Variants in CDH12 observed in about 807,000 individuals in gnomAD.
CDH12 encodes cadherin 12, also known as cadherin-12.
CDH12 carries 41 observed loss-of-function variants against 74.1 expected under a neutral mutation model. That is an observed-to-expected ratio of 0.55 (90% CI 0.43 to 0.72). CDH12 has a LOEUF of 0.72. Among genes scored for constraint, CDH12 ranks in the 30% least tolerant of loss-of-function variants. The pLI is 0.00. For synonymous variants in CDH12, 399 were observed against 355.0 expected (o/e 1.12, Z -1.39); for missense variants, 945 against 977.2 (o/e 0.97, Z 0.44).
At chr5:22,058,852 C>T (rs1740954956) in intron 5 of CDH12, among the ~76,000 whole-genome samples, 1 of 152,022 alleles carries the variant, frequency 6.6e-6, no homozygotes. Context: ...TCTAACATAT[C>T]ATCTTTGATC....
At chr5:22,234,563 G>A (rs1752495017) in intron 3 of CDH12, among the ~76,000 whole-genome samples, 1 of 150,344 alleles carries the variant, frequency 6.7e-6, no homozygotes, top group African/African-American at 2.5e-5. Context: ...TCTTGGGTAT[G>A]TGGGGTTTTT....
chr5:21,995,601 C>G (rs982905793), intron 5 of CDH12, among the ~76,000 whole-genome samples: 3 of 151,812 alleles, frequency 2.0e-5, no homozygotes, highest in African/African-American at 4.8e-5. Context: ...GGCCAGGGTT[C>G]AGTTTCTCCC....
intron 3 of CDH12, among the ~76,000 whole-genome samples, chr5:22,331,396 C>A (rs1739346304): frequency 6.6e-6 from 1 of 152,072 alleles, no homozygotes; most frequent in Admixed American, 6.5e-5. Context: ...TCTTTAAGAG[C>A]AAGGAAGATA....
chr5:21,780,400 G>C (rs890893348), intron 11 of CDH12, among the ~76,000 whole-genome samples: 1 of 152,160 alleles, frequency 6.6e-6, no homozygotes, highest in African/African-American at 2.4e-5. Flanking sequence ...CGTTATGAGT[G>C]TCTTCAATCC....
chr5:22,585,310 T>C (rs1740327931), intron 1 of CDH12, among the ~76,000 whole-genome samples: 1 of 152,184 alleles, frequency 6.6e-6, no homozygotes, highest in South Asian at 2.1e-4. Context: ...TTTCTTGCTA[T>C]TTAAAAGATT....
At chr5:22,192,518 C>G (rs1262470443) in intron 4 of CDH12, among the ~76,000 whole-genome samples, 1 of 152,180 alleles carries the variant, frequency 6.6e-6, no homozygotes, top group Non-Finnish European at 1.5e-5. Flanking sequence ...AGGAGAAGAG[C>G]AGACACATTT....
chr5:22,483,770 A>ATATATATATCTAT (rs1400461763), intron 2 of CDH12, among the ~76,000 whole-genome samples: 1 of 101,028 alleles, frequency 9.9e-6, no homozygotes, highest in Non-Finnish European at 2.0e-5. Context: ...ATATAAATTT[A>ATATATATATCTAT]ATTAATTGGG....
At chr5:22,823,208 G>C (rs1306709082) in intron 1 of CDH12, among the ~76,000 whole-genome samples, 1 of 135,330 alleles carries the variant, frequency 7.4e-6, no homozygotes, top group Non-Finnish European at 1.6e-5. Flanking sequence ...ACAGGAAGGG[G>C]AACATCACAC....
chr5:22,058,819 A>G (rs965644968), intron 5 of CDH12, among the ~76,000 whole-genome samples: 12 of 151,688 alleles, frequency 7.9e-5, no homozygotes, highest in Non-Finnish European at 1.8e-4. Context: ...GAAAATAAAC[A>G]AAAAAAAGGT....
chr5:21,801,581 G>A (rs1231211827), intron 10 of CDH12, among the ~76,000 whole-genome samples: 1 of 152,138 alleles, frequency 6.6e-6, no homozygotes, highest in African/African-American at 2.4e-5. Context: ...AGATGAGCAG[G>A]AAGCAGCTTC....
chr5:22,722,334 G>A lies in CDH12; in HGVS notation c.-523+130724C>T, dbSNP rs903456439. On this transcript the variant is annotated intron_variant, in intron 1 of 14. Transcript: ENST00000382254. ...TGGTGTTTTGCTTATTGTCTAGCAA[G>A]TTACAACCAAGTCCCTTGCAGAGTT... Among the ~76,000 whole-genome samples the A allele has an allele frequency of 3.9e-5, 6 of 152,228 alleles. No homozygotes were observed. The East Asian group carries it at 9.6e-4, about 24-fold the overall frequency.
chr5:22,834,895 A>G (rs1022827782), intron 1 of CDH12, among the ~76,000 whole-genome samples: 2 of 152,122 alleles, frequency 1.3e-5, no homozygotes, highest in African/African-American at 4.8e-5. Flanking sequence ...AAGGAGAGGT[A>G]GAAAAAAGAG....
At chr5:22,195,094 T>C (rs1158295639) in intron 4 of CDH12, among the ~76,000 whole-genome samples, 1 of 152,232 alleles carries the variant, frequency 6.6e-6, no homozygotes, top group Non-Finnish European at 1.5e-5. Context: ...TTGATAAAAG[T>C]TAGTTTTCTG....
intron 2 of CDH12, among the ~76,000 whole-genome samples, chr5:22,418,562 G>A (rs1743498196): frequency 6.6e-6 from 1 of 152,116 alleles, no homozygotes; most frequent in South Asian, 2.1e-4. Flanking sequence ...TGCCCATTCA[G>A]TATGATATGG....
intron 3 of CDH12, among the ~76,000 whole-genome samples, chr5:22,306,649 G>A (rs145140935): frequency 9.6e-4 from 146 of 152,136 alleles, no homozygotes; most frequent in Middle Eastern, 6.8e-3. Context: ...CAATAAATAT[G>A]ATTATTACAG....
chr5:21,803,191 C>G (rs1026525401), intron 9 of CDH12, among the ~76,000 whole-genome samples: 1 of 152,026 alleles, frequency 6.6e-6, no homozygotes, highest in African/African-American at 2.4e-5. Flanking sequence ...AAAGTGGTCC[C>G]ATGAAAACTC....
At chr5:21,993,130 G>A (rs1166596746) in intron 5 of CDH12, among the ~76,000 whole-genome samples, 2 of 152,264 alleles carry the variant, frequency 1.3e-5, no homozygotes, top group South Asian at 2.1e-4. Context: ...TACAATTCGA[G>A]ATGAGATTGG....
chr5:22,084,274 G>A (rs1181635343), intron 4 of CDH12, among the ~76,000 whole-genome samples: 3 of 152,116 alleles, frequency 2.0e-5, no homozygotes, highest in Non-Finnish European at 4.4e-5. Context: ...TCTGGGGTCC[G>A]ATAGATGAGA....
chr5:21,823,544 C>A (rs992172526), intron 8 of CDH12, among the ~76,000 whole-genome samples: 1 of 151,924 alleles, frequency 6.6e-6, no homozygotes, highest in Non-Finnish European at 1.5e-5. Flanking sequence ...TGAGGAAAAC[C>A]ATAGAGAAGC....
Sources: allele counts gnomAD v4.1 joint callset (sites outside exome capture counted in the v4.1 genomes callset), GRCh38; gene constraint gnomAD v4.1.1; transcripts MANE v1.5; gene names NCBI Gene and HGNC (gene_info 2026-07-23, HGNC 2026-07-21).